Variants in SOX11 observed in about 807,000 individuals in gnomAD.
SOX11 encodes the protein transcription factor SOX-11.
In SOX11, 5 loss-of-function variants were observed where a neutral mutation model predicts 16.7. The observed-to-expected ratio is 0.30, with a 90% CI of 0.16 to 0.63. The LOEUF is 0.63. SOX11 is among the 20% of genes least tolerant of loss of function. The pLI, the probability that SOX11 is intolerant of heterozygous loss-of-function variation, is 0.82. For synonymous variants in SOX11, 363 were observed against 298.8 expected, an observed-to-expected ratio of 1.21 and a Z score of -2.22; for missense variants, 492 against 641.5, an observed-to-expected ratio of 0.77 and a Z score of 2.52.
Position 5,697,285 on chromosome 2 carries a change from G to C in SOX11, c.*3238G>C, listed in dbSNP as rs961804390. On this transcript the variant is annotated 3_prime_UTR_variant, in exon 1 of 1. Coordinates refer to ENST00000322002, the MANE Select transcript of SOX11 (RefSeq NM_003108.4). ...AATCACCACGACTCTTTCACCTACT[G>C]AGATGATTGACCGAGGTTTGGCCTT... 6.0e-6 allele frequency: 1 copy of C among 167,102 alleles called. No homozygotes were observed. Among genetic ancestry groups the C allele is most frequent in the Admixed American group, 6.5e-5 (1 of 15,288 alleles). The allele number at this position is 167,102 out of a possible 1,614,324, so 10.4% of individuals were successfully genotyped here. A position where few individuals can be genotyped will look rare whatever the true frequency, so the allele number is the denominator to read the frequency against.
rs748568675 is a variant in SOX11, at chr2:5,693,105, C to T, written c.384C>T (p.Pro128=). Residue 128 remains proline (P), a synonymous_variant, in exon 1 of 1, where the codon CCC becomes CCT. Transcript: ENST00000322002. The surrounding 1 kb of genome is among the most constrained non-coding windows in gnomAD (Gnocchi z 8.6). ...YRPRKKPKMD[P]SAKPSASQSP... is the part of the protein sequence containing the mutation. ...CCCGGAAAAAGCCCAAAATGGACCC[C>T]TCGGCCAAGCCCAGCGCCAGCCAGA... The T allele has an allele frequency of 6.2e-7, 1 of 1,613,348 alleles. No homozygotes were observed. The highest frequency in any genetic ancestry group is 2.2e-5 in the East Asian group (1 of 44,836).
Position 5,693,320 on chromosome 2 carries a change from T to C in SOX11, c.599T>C (p.Leu200Pro), listed in dbSNP as rs1009563168. ...DYGGAGDDYVLGSLRVSGSGG... is the reference protein window; with the variant it reads ...DYGGAGDDYVPGSLRVSGSGG... The stretch of plus-strand genomic sequence containing the variant: ...GGGGGCGCGGGCGACGACTACGTGC[T>C]GGGCAGCCTGCGCGTGAGCGGCTCG... Residue 200 changes from leucine (L) to proline (P), a missense_variant, in exon 1 of 1, where the codon CTG becomes CCG. By Grantham distance (98) the Leu-to-Pro change is moderately conservative. Coordinates refer to ENST00000322002, the MANE Select transcript of SOX11 (RefSeq NM_003108.4). This position sits in a 1 kb window ranked among gnomAD's most constrained non-coding sequence, Gnocchi z 8.6. 1.3e-6 allele frequency: 2 copies of C among 1,581,634 alleles called. No homozygotes were observed. Among genetic ancestry groups the C allele is most frequent in the Non-Finnish European group, 8.5e-7 (1 of 1,173,410 alleles).
chr2:5,700,385 G>A lies in SOX11; in HGVS notation c.*6338G>A, dbSNP rs1261797098. 2 of 163,262 alleles carry A rather than the reference G, an allele frequency of 1.2e-5. No individual in the cohort carries two copies. Among genetic ancestry groups the A allele is most frequent in the Middle Eastern group, 3.5e-3 (1 of 282 alleles). 10.1% of individuals were successfully genotyped at this position (163,262 alleles called of 1,614,324 possible). On this transcript the variant is annotated 3_prime_UTR_variant, in exon 1 of 1. Coordinates refer to ENST00000322002, the MANE Select transcript of SOX11 (RefSeq NM_003108.4). Reference sequence around the variant, plus strand: ...AAGAGATTTTTTTAATATGATGCTTGTCTTACTTTCTTAGACACGTTACAT... The same window carrying A: ...AAGAGATTTTTTTAATATGATGCTTATCTTACTTTCTTAGACACGTTACAT...
In SOX11 at chr2:5,699,292, A is replaced by G. The variant is rs1665795794; in HGVS notation, c.*5245A>G. On this transcript the variant is annotated 3_prime_UTR_variant, in exon 1 of 1. Coordinates refer to ENST00000322002, the MANE Select transcript of SOX11 (RefSeq NM_003108.4). ...CAGTTTCAGGGAAGATTTTTTCAGG[A>G]TATTTCTCAGTTATTCTAAGGGCCA... The G allele has an allele frequency of 6.0e-6, 1 of 166,894 alleles. No homozygotes were observed. The highest frequency in any genetic ancestry group is 1.5e-5 in the Non-Finnish European group (1 of 68,096). 10.3% of individuals were successfully genotyped at this position (166,894 alleles called of 1,614,324 possible). A position where few individuals can be genotyped will look rare whatever the true frequency, so the allele number is the denominator to read the frequency against.
rs1427390596 is a variant in SOX11 at position 5,693,177 on chromosome 2, A to G, written c.456A>G (p.Gly152=). 1.3e-6 allele frequency: 2 copies of G among 1,553,080 alleles called. No homozygotes were observed. Among genetic ancestry groups the G allele is most frequent in the Non-Finnish European group, 1.7e-6 (2 of 1,152,684 alleles). Reference sequence around the variant, plus strand: ...GCGGCGGCGGCGGGAGCGCGGGCGGAGGCGCGGGCGGTGCCAAGACCTCCA... The same window carrying G: ...GCGGCGGCGGCGGGAGCGCGGGCGGGGGCGCGGGCGGTGCCAAGACCTCCA... ...AAGGGGGSAG[G]GAGGAKTSKG... The change falls in exon 1 of 1, where the codon GGA becomes GGG. Residue 152 remains glycine, a synonymous_variant. Transcript: ENST00000322002. This position sits in a 1 kb window ranked among gnomAD's most constrained non-coding sequence, Gnocchi z 8.6.
chr2:5,694,205 T>C lies in SOX11; in HGVS notation c.*158T>C. The C allele has an allele frequency of 1.1e-6, 1 of 946,328 alleles. No individual in the cohort carries two copies. Among genetic ancestry groups the C allele is most frequent in the East Asian group, 3.0e-5 (1 of 33,676 alleles). 58.6% of individuals were successfully genotyped at this position (946,328 alleles called of 1,614,324 possible). On this transcript the variant is annotated 3_prime_UTR_variant, in exon 1 of 1. Coordinates refer to ENST00000322002, the MANE Select transcript of SOX11 (RefSeq NM_003108.4). Reference sequence around the variant, plus strand: ...AGGGGAGAGAAGAAGATGCTGATGATATTGATAAGATGTCGTGACGCAAAG... The same window carrying C: ...AGGGGAGAGAAGAAGATGCTGATGACATTGATAAGATGTCGTGACGCAAAG...
chr2:5,693,577 G>A lies in SOX11; in HGVS notation c.856G>A (p.Glu286Lys). 1 of 1,561,120 alleles carries A rather than the reference G, an allele frequency of 6.4e-7. No individual in the cohort carries two copies. Among genetic ancestry groups the A allele is most frequent in the Non-Finnish European group, 8.6e-7 (1 of 1,160,892 alleles). ...PASPTLSSSA[E>K]SPEGASLYDE... ...CAGCCCTACGCTGAGCAGCTCGGCG[G>A]AGTCCCCCGAGGGAGCGAGCCTCTA... Residue 286 changes from glutamate (E) to lysine (K), a missense_variant, in exon 1 of 1, where the codon GAG becomes AAG. By Grantham distance (56) the Glu-to-Lys change is moderately conservative. Transcript: ENST00000322002. This position sits in a 1 kb window ranked among gnomAD's most constrained non-coding sequence, Gnocchi z 8.6.
rs1665688032 is a variant in SOX11, at chr2:5,694,119, GATGATGATGATGATA to G, written c.*87_*101del. 8.4e-6 allele frequency: 12 copies of G among 1,430,436 alleles called. No homozygotes were observed. The highest frequency in any genetic ancestry group is 1.1e-5 in the Non-Finnish European group (12 of 1,077,616). 88.6% of individuals were successfully genotyped at this position (1,430,436 alleles called of 1,614,324 possible). ...TTCCTTGGGAGGAAGTTGTAGTGGT[GATGATGATGATGATA>G]ATGATGATGATGATGGTGGTGTTGA... On this transcript the variant is annotated 3_prime_UTR_variant, in exon 1 of 1. Coordinates refer to ENST00000322002, the MANE Select transcript of SOX11 (RefSeq NM_003108.4).
rs764036560 is a variant in SOX11 at position 5,693,875 on chromosome 2, C to G, written c.1154C>G (p.Ala385Gly). The G allele has an allele frequency of 6.4e-7, 1 of 1,551,358 alleles. No individual in the cohort carries two copies. The highest frequency in any genetic ancestry group is 8.7e-7 in the Non-Finnish European group (1 of 1,147,000). ...SASEQQLGGG[A>G]AAGNLSLSLV... The stretch of plus-strand genomic sequence containing the variant: ...AGCGAGCAGCAGCTGGGGGGCGGCG[C>G]GGCGGCCGGGAACCTGTCCCTGTCG... Residue 385 changes from alanine to glycine, a missense_variant, in exon 1 of 1, where the codon GCG becomes GGG. Physicochemically the swap from Ala to Gly is moderately conservative, Grantham distance 60 (BLOSUM62 0). Coordinates refer to ENST00000322002, the MANE Select transcript of SOX11 (RefSeq NM_003108.4). This position sits in a 1 kb window ranked among gnomAD's most constrained non-coding sequence, Gnocchi z 8.6.
chr2:5,694,484 G>A lies in SOX11; in HGVS notation c.*437G>A. ...GGGAGGGGAGGTAGGACCCGCTCCG[G>A]AAGGCGCTGTTTGAAGCTTGTCGGT... is the stretch of plus-strand genomic sequence containing the variant. On this transcript the variant is annotated 3_prime_UTR_variant, in exon 1 of 1. Transcript: ENST00000322002. 3.0e-6 allele frequency: 1 copy of A among 332,348 alleles called. No homozygotes were observed. The highest frequency in any genetic ancestry group is 5.7e-6 in the Non-Finnish European group (1 of 176,160). The allele number at this position is 332,348 out of a possible 1,614,324, so 20.6% of individuals were successfully genotyped here.
rs1665749851 is a variant in SOX11 at position 5,697,116 on chromosome 2, C to G, written c.*3069C>G. On this transcript the variant is annotated 3_prime_UTR_variant, in exon 1 of 1. Coordinates refer to ENST00000322002, the MANE Select transcript of SOX11 (RefSeq NM_003108.4). The stretch of plus-strand genomic sequence containing the variant: ...GGCTCCCGCCCCCCTTCCGAGCATC[C>G]GCCGCCTCTTTTCTGCTGGGTCTGG... The G allele has an allele frequency of 1.2e-5, 2 of 162,318 alleles. No individual in the cohort carries two copies. 10.1% of individuals were successfully genotyped at this position (162,318 alleles called of 1,614,324 possible). A position where few individuals can be genotyped will look rare whatever the true frequency, so the allele number is the denominator to read the frequency against.
In SOX11 at chr2:5,692,623, T is replaced by TATACACATCTGACGCTGCCGACGATA; in HGVS notation, c.-99_-98insATACACATCTGACGCTGCCGACGATA. 1.1e-6 allele frequency: 1 copy of TATACACATCTGACGCTGCCGACGATA among 926,830 alleles called. No homozygotes were observed. 57.4% of individuals were successfully genotyped at this position (926,830 alleles called of 1,614,324 possible). On this transcript the variant is annotated 5_prime_UTR_variant, in exon 1 of 1. In the 5' UTR this introduces an upstream ATG that the reference lacks. Coordinates refer to ENST00000322002, the MANE Select transcript of SOX11 (RefSeq NM_003108.4). The stretch of plus-strand genomic sequence containing the variant: ...CCGCGAAAGCGGGGTGCCGAGGACT[T>TATACACATCTGACGCTGCCGACGATA]TGCAACTTGCCCAGGAAGGTGGAGG...
Position 5,692,596 on chromosome 2 carries a change from A to T in SOX11, c.-126A>T. On this transcript the variant is annotated 5_prime_UTR_variant, in exon 1 of 1. Transcript: ENST00000322002. ...AAGGGGGGGCGGGGGGGAGGGGGGG[A>T]GCCGCGAAAGCGGGGTGCCGAGGAC... 1.8e-6 allele frequency: 1 copy of T among 567,898 alleles called. No homozygotes were observed. The highest frequency in any genetic ancestry group is 2.8e-6 in the Non-Finnish European group (1 of 355,674). 35.2% of individuals were successfully genotyped at this position (567,898 alleles called of 1,614,324 possible).
rs538875900 is a variant in SOX11, at chr2:5,700,616, C to T, written c.*6569C>T. On this transcript the variant is annotated 3_prime_UTR_variant, in exon 1 of 1. Transcript: ENST00000322002. ...TAATTTCCCATTTTGTCTACTTTTA[C>T]TCTTGTACATATGTTGTGGGTTTAA... 6.0e-6 allele frequency: 1 copy of T among 167,156 alleles called. No individual in the cohort carries two copies. The highest frequency in any genetic ancestry group is 2.4e-5 in the African/African-American group (1 of 41,554). 10.4% of individuals were successfully genotyped at this position (167,156 alleles called of 1,614,324 possible).
Position 5,698,778 on chromosome 2 carries a change from A to G in SOX11, c.*4731A>G, listed in dbSNP as rs1665787859. On this transcript the variant is annotated 3_prime_UTR_variant, in exon 1 of 1. Coordinates refer to ENST00000322002, the MANE Select transcript of SOX11 (RefSeq NM_003108.4). ...ATAAATGTAGCAGTCAGGGTGATTT[A>G]GTTGCTTTTTTCATGAAAGAAAAAG... is the stretch of plus-strand genomic sequence containing the variant. The G allele has an allele frequency of 6.0e-6, 1 of 167,088 alleles. No individual in the cohort carries two copies. Among genetic ancestry groups the G allele is most frequent in the Admixed American group, 6.5e-5 (1 of 15,288 alleles). The allele number at this position is 167,088 out of a possible 1,614,324, so 10.4% of individuals were successfully genotyped here. A position where few individuals can be genotyped will look rare whatever the true frequency, so the allele number is the denominator to read the frequency against.
At position 5,692,716 on chromosome 2, in the gene SOX11, C is replaced by T; in HGVS notation, c.-6C>T. On this transcript the variant is annotated 5_prime_UTR_variant, in exon 1 of 1. Coordinates refer to ENST00000322002, the MANE Select transcript of SOX11 (RefSeq NM_003108.4). ...CGGGTTGGAGCGTCCAGCCCTGCAG[C>T]GGATCATGGTGCAGCAGGCGGAGAG... The T allele has an allele frequency of 6.4e-7, 1 of 1,570,998 alleles. No individual in the cohort carries two copies. Among genetic ancestry groups the T allele is most frequent in the Non-Finnish European group, 8.7e-7 (1 of 1,155,156 alleles).
At position 5,693,837 on chromosome 2, in the gene SOX11, C is replaced by A. The variant is rs1235827793; in HGVS notation, c.1116C>A (p.Ser372Arg). ...MFDLSLNFSQ[S>R]AHSASEQQLG... Reference sequence around the variant, plus strand: ...ACCTGAGCTTGAATTTCTCTCAAAGCGCGCACAGCGCCAGCGAGCAGCAGC... The same window carrying A: ...ACCTGAGCTTGAATTTCTCTCAAAGAGCGCACAGCGCCAGCGAGCAGCAGC... The change falls in exon 1 of 1, where the codon AGC (serine) becomes AGA (arginine). Residue 372 changes from serine (S) to arginine (R), a missense_variant. By Grantham distance (110) the Ser-to-Arg change is moderately radical. Transcript: ENST00000322002. The surrounding 1 kb of genome is among the most constrained non-coding windows in gnomAD (Gnocchi z 8.6). 12 of 1,551,258 alleles carry A rather than the reference C, an allele frequency of 7.7e-6. No individual in the cohort carries two copies. The highest frequency in any genetic ancestry group is 2.4e-5 in the East Asian group (1 of 40,910).
At position 5,694,355 on chromosome 2, in the gene SOX11, C is replaced by T. The variant is rs1440520443; in HGVS notation, c.*308C>T. 7.2e-6 allele frequency: 3 copies of T among 416,936 alleles called. No homozygotes were observed. The highest frequency in any genetic ancestry group is 4.3e-6 in the Non-Finnish European group (1 of 230,764). 25.8% of individuals were successfully genotyped at this position (416,936 alleles called of 1,614,324 possible). A position where few individuals can be genotyped will look rare whatever the true frequency, so the allele number is the denominator to read the frequency against. ...ATCGTGTCTCAAGGTAGTTGCATAC[C>T]TAGTCTGGAGTTGTGATTATTTTCC... On this transcript the variant is annotated 3_prime_UTR_variant, in exon 1 of 1. Coordinates refer to ENST00000322002, the MANE Select transcript of SOX11 (RefSeq NM_003108.4).
chr2:5,693,517 C>T lies in SOX11; in HGVS notation c.796C>T (p.Leu266=), dbSNP rs1665676027. 1.9e-6 allele frequency: 3 copies of T among 1,574,092 alleles called. No homozygotes were observed. Among genetic ancestry groups the T allele is most frequent in the African/African-American group, 2.7e-5 (2 of 74,462 alleles). The change falls in exon 1 of 1, where the codon CTG becomes TTG. Residue 266 remains leucine, a synonymous_variant. Coordinates refer to ENST00000322002, the MANE Select transcript of SOX11 (RefSeq NM_003108.4). This position sits in a 1 kb window ranked among gnomAD's most constrained non-coding sequence, Gnocchi z 8.6. ...GCCGCCGGGGCAGCAGCCGTCGCAG[C>T]TGCTGAGACGCTACAACGTCGCCAA... The part of the protein sequence containing the change: ...LQPPGQQPSQ[L]LRRYNVAKVP...
Sources: gnomAD v4.1 joint callset for allele counts on GRCh38, gnomAD v4.1.1 for gene constraint, Gnocchi (gnomAD v3.1) non-coding constraint, MANE v1.5 for transcripts, NCBI Gene and HGNC (gene_info 2026-07-23, HGNC 2026-07-21) for gene names.